The following TRMT44 variants were observed in gnomAD, a reference collection of about 807,000 sequenced individuals.
TRMT44 encodes tRNA methyltransferase 44 homolog.
Under a neutral mutation model 77.3 loss-of-function variants are expected in TRMT44, and 78 were observed. The observed-to-expected ratio is 1.01, with a 90% CI of 0.84 to 1.22. TRMT44 has a LOEUF of 1.22. Among genes scored for constraint, TRMT44 ranks in the 50% most tolerant of loss-of-function variants. TRMT44 has a pLI of 0.00. For missense variants in TRMT44, 1,090 were observed against 964.4 expected (o/e 1.13, Z -1.73); for synonymous variants, 391 against 383.3 (o/e 1.02, Z -0.23).
chr4:8,514,906 G>T, the TRMT44 span, among the ~76,000 whole-genome samples: 1 of 152,220 alleles, frequency 6.6e-6, no homozygotes, highest in African/African-American at 2.4e-5. Context: ...GTGTGGAGCC[G>T]CAGAGTGATG....
chr4:8,497,243 GTC>G (rs914189289), downstream of TRMT44, among the ~76,000 whole-genome samples: 1 of 151,832 alleles, frequency 6.6e-6, no homozygotes, highest in East Asian at 1.9e-4. Flanking sequence ...TTTTACAAAT[GTC>G]TCTATTTAGC....
intron 9 of TRMT44, among the ~76,000 whole-genome samples, chr4:8,469,854 G>A (rs1220224780): frequency 6.6e-6 from 1 of 152,244 alleles, no homozygotes; most frequent in Non-Finnish European, 1.5e-5. Context: ...GCACCTCTGC[G>A]TTTCTGTGCC....
rs962699247 is a variant in TRMT44, at chr4:8,444,382, G to T, written c.620-2094G>T. ...GATAGTCTAACAGGGGGATTATAATGAATAATAACTTAATTGTACTTTTTT... is the reference window on the plus strand; with the variant it reads ...GATAGTCTAACAGGGGGATTATAATTAATAATAACTTAATTGTACTTTTTT... On this transcript the variant is annotated intron_variant, in intron 1 of 10. Coordinates refer to ENST00000389737, the MANE Select transcript of TRMT44 (RefSeq NM_152544.3). This position sits in a 1 kb window ranked among gnomAD's most constrained non-coding sequence, Gnocchi z 4.0. Among the ~76,000 whole-genome samples the T allele has an allele frequency of 1.3e-5, 2 of 151,486 alleles. No homozygotes were observed. Among genetic ancestry groups the T allele is most frequent in the African/African-American group, 4.8e-5 (2 of 41,278 alleles).
At chr4:8,498,850 G>A in the TRMT44 span, among the ~76,000 whole-genome samples, 1 of 152,204 alleles carries the variant, frequency 6.6e-6, no homozygotes, top group Non-Finnish European at 1.5e-5. This position sits in a 1 kb window ranked among gnomAD's most constrained non-coding sequence, Gnocchi z 4.3. Context: ...GGGCATGGGA[G>A]TGAACCCCAC....
intron 5 of TRMT44, 162 bp from the exon 6 acceptor site, chr4:8,454,580 C>G (rs1037631506): frequency 1.7e-5 from 11 of 628,770 alleles, no homozygotes; most frequent in African/African-American, 1.7e-4. Flanking sequence ...GGTAATGGCA[C>G]CTGGTGCGCT....
intron 8 of TRMT44, among the ~76,000 whole-genome samples, chr4:8,466,076 A>G (rs1003160469): frequency 1.3e-5 from 2 of 152,234 alleles, no homozygotes. Flanking sequence ...TTGTGTGGAC[A>G]GGGCAGACTT....
chr4:8,490,745 G>C (rs1218158376), intron 2 of TRMT44, among the ~76,000 whole-genome samples: 3 of 152,176 alleles, frequency 2.0e-5, no homozygotes, highest in African/African-American at 7.2e-5. Context: ...GTGTGGAAGG[G>C]GCCCCGAGCG....
chr4:8,492,166 C>T (rs1437933736), intron 2 of TRMT44, among the ~76,000 whole-genome samples: 1 of 152,186 alleles, frequency 6.6e-6, no homozygotes, highest in Non-Finnish European at 1.5e-5. Flanking sequence ...TAAATCTCCT[C>T]CATAATCAAG....
intron 2 of TRMT44, among the ~76,000 whole-genome samples, chr4:8,448,481 G>A (rs753533473): frequency 1.3e-5 from 2 of 152,204 alleles, no homozygotes; most frequent in Non-Finnish European, 2.9e-5. Flanking sequence ...GAAGAGAGGC[G>A]GATGAAGGAG....
chr4:8,449,140 G>A lies in TRMT44; in HGVS notation c.735-529G>A, dbSNP rs949187902. Among the ~76,000 whole-genome samples the A allele has an allele frequency of 9.2e-5, 14 of 152,204 alleles. 1 individual carries two copies. Among genetic ancestry groups the A allele is most frequent in the Admixed American group, 2.0e-4 (3 of 15,278 alleles). On this transcript the variant is annotated intron_variant, in intron 2 of 10. Coordinates refer to ENST00000389737, the MANE Select transcript of TRMT44 (RefSeq NM_152544.3). ...GTCAGCACTGCTGGGACCTGGGGGC[G>A]GAGCAGTGAGCAAGACAGACAGAAG...
At chr4:8,488,586 C>T (rs1027278247) in intron 2 of TRMT44, among the ~76,000 whole-genome samples, 1 of 152,182 alleles carries the variant, frequency 6.6e-6, no homozygotes, top group Non-Finnish European at 1.5e-5. Context: ...GGAATGTCAT[C>T]AGTTAAGGTG....
chr4:8,467,964 C>G lies in TRMT44; in HGVS notation c.1545C>G (p.Ser515=). The change falls in exon 9 of 11, where the codon TCC becomes TCG. Residue 515 remains serine, a synonymous_variant. Coordinates refer to ENST00000389737, the MANE Select transcript of TRMT44 (RefSeq NM_152544.3). ...SRTYPSSREA[S]VDEKRTQYIK... is the part of the protein sequence containing the mutation. ...CATACCCTTCCTCCAGAGAAGCTTC[C>G]GTGGATGAAAAGAGGACTCAGTACA... is the stretch of plus-strand genomic sequence containing the variant. The G allele has an allele frequency of 1.2e-6, 2 of 1,613,858 alleles. No individual in the cohort carries two copies. Among genetic ancestry groups the G allele is most frequent in the Non-Finnish European group, 1.7e-6 (2 of 1,179,820 alleles).
chr4:8,497,914 G>A (rs1004477087), downstream of TRMT44, among the ~76,000 whole-genome samples: 6 of 152,212 alleles, frequency 3.9e-5, no homozygotes, highest in Non-Finnish European at 5.9e-5. Context: ...GTGCCACTGG[G>A]GCTGGCGTGG....
At chr4:8,454,639 C>T (rs1725676985) in intron 5 of TRMT44, 103 bp from the exon 6 acceptor site, 3 of 1,075,152 alleles carry the variant, frequency 2.8e-6, no homozygotes, top group Non-Finnish European at 1.4e-6. Flanking sequence ...TCTTCTCTTG[C>T]CCTTCGTCCT....
downstream of TRMT44, among the ~76,000 whole-genome samples, chr4:8,495,080 GACT>G (rs1465340364): frequency 1.3e-5 from 2 of 152,222 alleles, no homozygotes; most frequent in Non-Finnish European, 2.9e-5. Flanking sequence ...GGAACCACCT[GACT>G]TGTCCACCAT....
chr4:8,441,459 G>A lies in TRMT44; in HGVS notation c.619+18G>A, dbSNP rs1379742979. On this transcript the variant is annotated intron_variant, in intron 1 of 10. Transcript: ENST00000389737. The stretch of plus-strand genomic sequence containing the variant: ...CGTGCAAGGTAAGAGTGTTTTGATA[G>A]TGGACGGATATGATTAGATAAAAAA... 1 of 1,486,070 alleles carries A rather than the reference G, an allele frequency of 6.7e-7. No homozygotes were observed. The highest frequency in any genetic ancestry group is 9.0e-7 in the Non-Finnish European group (1 of 1,117,038). 92.1% of individuals were successfully genotyped at this position (1,486,070 alleles called of 1,614,324 possible).
At position 8,491,960 on chromosome 4, in the gene TRMT44, G is replaced by A. The variant is rs191412650; in HGVS notation, n.3892-1306G>A. On this transcript the variant is annotated intron_variant and non_coding_transcript_variant, in intron 2 of 2. Transcript: ENST00000511366. ...CGAGGGCTGTGAGGACTGCCAGCAC[G>A]CTGTCACCTCTCAACTCAGTCTCCC... 1.1e-3 allele frequency among the ~76,000 whole-genome samples: 171 copies of A among 152,378 alleles called. 1 individual carries two copies. Among genetic ancestry groups the A allele is most frequent in the African/African-American group, 3.9e-3 (164 of 41,602 alleles).
At chr4:8,477,033 G>C (rs914878713), downstream of TRMT44, 10 of 152,318 alleles carry the variant, frequency 6.6e-5, no homozygotes, top group Admixed American at 5.2e-4. Context: ...GAGCCATGGC[G>C]TCTGACCCCC....
chr4:8,467,170 C>T lies in TRMT44; in HGVS notation c.1495-744C>T, dbSNP rs753483416. Among the ~76,000 whole-genome samples the T allele has an allele frequency of 3.3e-5, 5 of 152,202 alleles. No homozygotes were observed. In the East Asian group the frequency reaches 5.8e-4, roughly 18 times the overall value. ...CCTCTGCGCAGCCCCCGTATGCACT[C>T]GCTGGCTCTGGCAAGGTGGGGACAA... On this transcript the variant is annotated intron_variant, in intron 8 of 10. Coordinates refer to ENST00000389737, the MANE Select transcript of TRMT44 (RefSeq NM_152544.3).
Sources: gnomAD v4.1 joint callset for allele counts (sites outside exome capture counted in the v4.1 genomes callset) on GRCh38, gnomAD v4.1.1 for gene constraint, Gnocchi (gnomAD v3.1) non-coding constraint, MANE v1.5 for transcripts, NCBI Gene and HGNC (gene_info 2026-07-23, HGNC 2026-07-21) for gene names.